Variants in RIMBP2 observed in about 807,000 individuals in gnomAD.
The protein encoded by RIMBP2 is RIMS-binding protein 2.
Under a neutral mutation model 118.6 loss-of-function variants are expected in RIMBP2, and 48 were observed. That is an observed-to-expected ratio of 0.40 (90% CI 0.32 to 0.51). The LOEUF is 0.51. Among genes scored for constraint, RIMBP2 ranks in the 20% least tolerant of loss-of-function variants. The pLI is 0.41. For synonymous variants in RIMBP2, 762 were observed against 742.9 expected, an observed-to-expected ratio of 1.03 and a Z score of -0.42; for missense variants, 1,551 against 1,768.3, an observed-to-expected ratio of 0.88 and a Z score of 2.20.
chr12:130,486,351 T>C (rs977700539), intron 4 of RIMBP2, among the ~76,000 whole-genome samples: 2 of 152,084 alleles, frequency 1.3e-5, no homozygotes, highest in African/African-American at 4.8e-5. Context: ...CTCCCGCTGA[T>C]CTCTAAATCC....
chr12:130,690,782 A>C (rs1042510364), intron 1 of RIMBP2, among the ~76,000 whole-genome samples: 2 of 152,208 alleles, frequency 1.3e-5, no homozygotes, highest in Admixed American at 6.5e-5. Flanking sequence ...GATTTCACAC[A>C]TCAGGAGCTT....
At chr12:130,455,705 G>T (rs1010606844) in intron 7 of RIMBP2, among the ~76,000 whole-genome samples, 1 of 152,194 alleles carries the variant, frequency 6.6e-6, no homozygotes, top group African/African-American at 2.4e-5. Context: ...GGGGAAATTT[G>T]CAAATTATCT....
chr12:130,474,870 G>A (rs1211173965), intron 5 of RIMBP2, among the ~76,000 whole-genome samples: 1 of 152,100 alleles, frequency 6.6e-6, no homozygotes, highest in Non-Finnish European at 1.5e-5. Flanking sequence ...ACCATTCACA[G>A]CCTGTTCTCA....
chr12:130,680,589 G>T (rs575567137), intron 1 of RIMBP2, among the ~76,000 whole-genome samples: 1 of 152,174 alleles, frequency 6.6e-6, no homozygotes, highest in Non-Finnish European at 1.5e-5. Flanking sequence ...CTAGGACCGC[G>T]GCTCTCGGGG....
At chr12:130,600,324 C>T (rs1038284399) in intron 2 of RIMBP2, among the ~76,000 whole-genome samples, 2 of 152,164 alleles carry the variant, frequency 1.3e-5, no homozygotes, top group South Asian at 2.1e-4. Flanking sequence ...ATGACGTCTC[C>T]GACCAGAAAC....
chr12:130,434,944 C>T lies in RIMBP2; in HGVS notation c.2107-64G>A. 6.6e-7 allele frequency: 1 copy of T among 1,510,272 alleles called. No homozygotes were observed. The highest frequency in any genetic ancestry group is 8.9e-7 in the Non-Finnish European group (1 of 1,124,862). The allele number at this position is 1,510,272 out of a possible 1,614,324, so 93.6% of individuals were successfully genotyped here. ...CACCTTCAGCTACGCTCAGCCCCAC[C>T]TGCATTCACCAAACCTTCAGCCCCT... On this transcript the variant is annotated intron_variant, in intron 13 of 22. Coordinates refer to ENST00000690449, the MANE Select transcript of RIMBP2 (RefSeq NM_001393629.1). The surrounding 1 kb of genome is among the most constrained non-coding windows in gnomAD (Gnocchi z 5.7).
intron 7 of RIMBP2, among the ~76,000 whole-genome samples, chr12:130,451,901 T>C (rs1386587841): frequency 6.6e-6 from 1 of 152,130 alleles, no homozygotes; most frequent in Admixed American, 6.5e-5. Context: ...TGACCCTGAG[T>C]CCTAACTGGC....
At chr12:130,435,364 A>G (rs771135385) in intron 13 of RIMBP2, among the ~76,000 whole-genome samples, 4 of 152,188 alleles carry the variant, frequency 2.6e-5, no homozygotes, top group Non-Finnish European at 5.9e-5. Flanking sequence ...CTTTGAGGTA[A>G]CATTTGGATA....
chr12:130,456,945 CT>C (rs2079510313), intron 6 of RIMBP2, among the ~76,000 whole-genome samples: 1 of 152,192 alleles, frequency 6.6e-6, no homozygotes. Flanking sequence ...AGAGCAGTGC[CT>C]GATAAACCCA....
chr12:130,420,056 A>C lies in RIMBP2; in HGVS notation c.3238+2397T>G, dbSNP rs1255972831. The stretch of plus-strand genomic sequence containing the variant: ...AAAGATAAGTAATCCTTTGAAATAT[A>C]GATTTCTAAAATATTGTTTTCTAGT... On this transcript the variant is annotated intron_variant, in intron 17 of 22. Coordinates refer to ENST00000690449, the MANE Select transcript of RIMBP2 (RefSeq NM_001393629.1). The surrounding 1 kb of genome is among the most constrained non-coding windows in gnomAD (Gnocchi z 4.3). 6.6e-6 allele frequency among the ~76,000 whole-genome samples: 1 copy of C among 152,222 alleles called. No homozygotes were observed. Among genetic ancestry groups the C allele is most frequent in the Non-Finnish European group, 1.5e-5 (1 of 68,032 alleles).
At chr12:130,564,230 T>A (rs1251653542) in intron 2 of RIMBP2, among the ~76,000 whole-genome samples, 3 of 150,790 alleles carry the variant, frequency 2.0e-5, no homozygotes, top group Admixed American at 2.0e-4. Flanking sequence ...ACCCTTCAGG[T>A]CTTTGGCCAT....
intron 1 of RIMBP2, among the ~76,000 whole-genome samples, chr12:130,711,271 T>A (rs961826692): frequency 6.6e-6 from 1 of 152,146 alleles, no homozygotes; most frequent in African/African-American, 2.4e-5. Context: ...CTATCCAGCC[T>A]CTCACAAATC....
intron 1 of RIMBP2, among the ~76,000 whole-genome samples, chr12:130,713,019 G>A (rs1950030820): frequency 6.6e-6 from 1 of 151,580 alleles, no homozygotes; most frequent in South Asian, 2.1e-4. Context: ...GCAGGGGTGA[G>A]TCAGAGAGAG....
intron 2 of RIMBP2, among the ~76,000 whole-genome samples, chr12:130,616,966 G>A (rs189643374): frequency 2.0e-3 from 306 of 152,286 alleles, no homozygotes; most frequent in African/African-American, 7.0e-3. Context: ...GGGCCTTGGC[G>A]TCAGCTGCTG....
intron 3 of RIMBP2, among the ~76,000 whole-genome samples, chr12:130,517,117 C>T (rs1263594590): frequency 2.0e-5 from 3 of 152,054 alleles, no homozygotes; most frequent in African/African-American, 7.2e-5. Context: ...AGCACTCTGC[C>T]CTCATGAATG....
intron 1 of RIMBP2, among the ~76,000 whole-genome samples, chr12:130,715,916 C>T (rs117905992): frequency 0.019 from 2,877 of 152,234 alleles, 181 homozygotes; most frequent in East Asian, 0.13. Flanking sequence ...GGGGCCATGA[C>T]AGAGCCACAG....
At position 130,517,842 on chromosome 12, in the gene RIMBP2, G is replaced by A. The variant is rs1404266707; in HGVS notation, c.-141C>T. On this transcript the variant is annotated 5_prime_UTR_variant, in exon 3 of 23. Transcript: ENST00000690449. ...GTATCAGCTACCTTGTCATGCTGCC[G>A]GGCCCTTGTGGGAAGGCCTGCATGA... The A allele has an allele frequency of 3.0e-5, 30 of 985,466 alleles. No homozygotes were observed. Among genetic ancestry groups the A allele is most frequent in the South Asian group, 2.4e-4 (5 of 21,272 alleles). 61.0% of individuals were successfully genotyped at this position (985,466 alleles called of 1,614,324 possible). A position where few individuals can be genotyped will look rare whatever the true frequency, so the allele number is the denominator to read the frequency against.
chr12:130,546,097 C>T (rs1160001882), intron 2 of RIMBP2, among the ~76,000 whole-genome samples: 22 of 103,528 alleles, frequency 2.1e-4, no homozygotes, highest in South Asian at 6.6e-4. Flanking sequence ...ATCACTGCTT[C>T]TTTTTTTTTT....
At chr12:130,433,688 G>A (rs1030141655) in intron 14 of RIMBP2, among the ~76,000 whole-genome samples, 12 of 152,118 alleles carry the variant, frequency 7.9e-5, no homozygotes, top group African/African-American at 2.7e-4. Context: ...AGGAAGTCTG[G>A]CTTCCGTCCA....
Sources: allele counts gnomAD v4.1 joint callset (sites outside exome capture counted in the v4.1 genomes callset), GRCh38; gene constraint gnomAD v4.1.1; non-coding constraint Gnocchi (gnomAD v3.1); transcripts MANE v1.5; gene names NCBI Gene and HGNC (gene_info 2026-07-23, HGNC 2026-07-21).